The following EPB41L2 variants were observed in gnomAD, a reference collection of about 807,000 sequenced individuals.
EPB41L2 encodes band 4.1-like protein 2.
A neutral mutation model predicts 113.0 loss-of-function variants in EPB41L2; 43 were observed. The ratio of observed to expected loss-of-function variants is 0.38; its 90% confidence interval spans 0.30 to 0.49. The LOEUF is 0.49. Ranked by LOEUF, EPB41L2 falls within the 20% of genes least tolerant of loss-of-function variation. The pLI, the probability that EPB41L2 is intolerant of heterozygous loss-of-function variation, is 0.95. For missense variants in EPB41L2, 1,147 were observed against 1,223.4 expected (o/e 0.94, Z 0.93); for synonymous variants, 442 against 436.7 (o/e 1.01, Z -0.15).
At position 130,926,705 on chromosome 6, in the gene EPB41L2, T is replaced by A. The variant is rs779614385; in HGVS notation, c.710A>T (p.His237Leu). Reference protein sequence around the residue: ...GTEYSCDLEKHAKGQVLFDKV... With the variant: ...GTEYSCDLEKLAKGQVLFDKV... ...GTCAAATAACACTTGTCCCTTGGCA[T>A]GTTTCTGGAGAAAAAATAATAACTT... The change falls in exon 4 of 20, where the codon CAT becomes CTT. Residue 237 changes from histidine (H) to leucine (L), a missense_variant. Physicochemically the swap from His to Leu is moderately conservative, Grantham distance 99 (BLOSUM62 -3). Coordinates refer to ENST00000337057, the MANE Select transcript of EPB41L2 (RefSeq NM_001431.4). The A allele has an allele frequency of 1.3e-4, 209 of 1,592,504 alleles. No homozygotes were observed. Among genetic ancestry groups the A allele is most frequent in the Non-Finnish European group, 1.7e-4 (198 of 1,173,172 alleles).
chr6:130,997,170 G>C (rs1365508382), intron 1 of EPB41L2, among the ~76,000 whole-genome samples: 2 of 152,162 alleles, frequency 1.3e-5, no homozygotes, highest in Non-Finnish European at 2.9e-5. Flanking sequence ...ATTTGAACTG[G>C]ATTTAAAAGA....
chr6:130,991,728 G>A (rs1367481038), intron 1 of EPB41L2, among the ~76,000 whole-genome samples: 5 of 152,094 alleles, frequency 3.3e-5, no homozygotes, highest in African/African-American at 1.2e-4. Flanking sequence ...GAGGTGTTCC[G>A]CTAATTTTAG....
chr6:130,903,810 C>A (rs968787344), intron 6 of EPB41L2, among the ~76,000 whole-genome samples: 19 of 152,194 alleles, frequency 1.2e-4, no homozygotes, highest in African/African-American at 4.3e-4. Flanking sequence ...CCCAGTCTAA[C>A]TGGGCTAAGA....
At chr6:131,021,811 G>A (rs1562749277) in intron 1 of EPB41L2, among the ~76,000 whole-genome samples, 1 of 152,034 alleles carries the variant, frequency 6.6e-6, no homozygotes, top group Non-Finnish European at 1.5e-5. Context: ...TGAAACTAAG[G>A]CACCTAGTTG....
intron 1 of EPB41L2, among the ~76,000 whole-genome samples, chr6:130,989,266 C>T (rs1781283121): frequency 6.6e-6 from 1 of 152,202 alleles, no homozygotes. Context: ...TGAACAACCT[C>T]TATTCTCCCC....
chr6:130,865,091 AG>A (rs762321013), intron 17 of EPB41L2, among the ~76,000 whole-genome samples: 1 of 152,222 alleles, frequency 6.6e-6, no homozygotes, highest in Non-Finnish European at 1.5e-5. Context: ...TTATGCAGGG[AG>A]GAACAGGGGA....
intron 2 of EPB41L2, 63 bp downstream of exon 2, chr6:130,955,931 C>A (rs1817295613): frequency 8.4e-6 from 13 of 1,540,924 alleles, no homozygotes; most frequent in Non-Finnish European, 1.1e-5. Context: ...AACAAACAAA[C>A]CCTTTTTATT....
chr6:131,055,715 A>G (rs543977028), intron 1 of EPB41L2, among the ~76,000 whole-genome samples: 2 of 152,322 alleles, frequency 1.3e-5, no homozygotes, highest in African/African-American at 2.4e-5. Context: ...TTTAAGCCTC[A>G]GTTTCTCATC....
At chr6:130,951,253 CA>C (rs1170457891) in intron 3 of EPB41L2, among the ~76,000 whole-genome samples, 6 of 10,496 alleles carry the variant, frequency 5.7e-4, no homozygotes, top group East Asian at 1.6e-3. Context: ...CAACTGTCTC[CA>C]AAAAAAAAGG....
Position 130,986,700 on chromosome 6 carries a change from C to T in EPB41L2, c.-14-30201G>A, listed in dbSNP as rs138568098. 6.5e-3 allele frequency among the ~76,000 whole-genome samples: 988 copies of T among 152,166 alleles called. 19 individuals carry two copies. The highest frequency in any genetic ancestry group is 0.023 in the African/African-American group (953 of 41,526). ...TCCCAGGTTCAAGCGATTCTCCTGCCTCAGCCTCCCGAGTAGCTGAGATTA... is the reference window on the plus strand; with the variant it reads ...TCCCAGGTTCAAGCGATTCTCCTGCTTCAGCCTCCCGAGTAGCTGAGATTA... On this transcript the variant is annotated intron_variant, in intron 1 of 19. Transcript: ENST00000337057.
chr6:130,955,228 G>A lies in EPB41L2; in HGVS notation c.582C>T (p.Thr194=). The A allele has an allele frequency of 6.2e-7, 1 of 1,613,880 alleles. No individual in the cohort carries two copies. Among genetic ancestry groups the A allele is most frequent in the Admixed American group, 1.7e-5 (1 of 60,002 alleles). ...KLEGGAAKRE[T]KEVQTNELKA... ...TCAGCTCATTGGTCTGCACTTCCTT[G>A]GTCTCCCTTTTTGCTGCTCCTCCTT... The change falls in exon 3 of 20, where the codon ACC becomes ACT. Residue 194 remains threonine (T), a synonymous_variant. Coordinates refer to ENST00000337057, the MANE Select transcript of EPB41L2 (RefSeq NM_001431.4).
At chr6:130,895,718 T>G (rs1021439226) in intron 8 of EPB41L2, among the ~76,000 whole-genome samples, 6 of 152,238 alleles carry the variant, frequency 3.9e-5, no homozygotes, top group African/African-American at 1.4e-4. Flanking sequence ...CATCCAGTTC[T>G]CATTAGGCAT....
chr6:130,925,302 C>G (rs941894454), intron 4 of EPB41L2, among the ~76,000 whole-genome samples: 2 of 151,024 alleles, frequency 1.3e-5, no homozygotes, highest in Non-Finnish European at 2.9e-5. Context: ...GATTCTCCTG[C>G]CTCAGCCTCC....
intron 1 of EPB41L2, among the ~76,000 whole-genome samples, chr6:131,038,766 C>A (rs1275680948): frequency 1.3e-5 from 2 of 152,134 alleles, no homozygotes; most frequent in African/African-American, 4.8e-5. Flanking sequence ...ATTTGTACTG[C>A]TGCCCAACAT....
chr6:130,848,207 A>T lies in EPB41L2; in HGVS notation c.*6-7609T>A, dbSNP rs62422330. Among the ~76,000 whole-genome samples, 777 of 82,950 alleles carry T rather than the reference A, an allele frequency of 9.4e-3. 6 individuals are homozygous for T. Among genetic ancestry groups the T allele is most frequent in the African/African-American group, 0.038 (705 of 18,326 alleles). The allele number at this position is 82,950 out of a possible 152,430, so 54.4% of individuals were successfully genotyped here. ...GTCTCTCTCTCTCTCTCTCACACAC[A>T]CACACACACACACACACACACACAC... On this transcript the variant is annotated intron_variant, in intron 19 of 19. Transcript: ENST00000337057.
At chr6:130,990,772 G>A (rs1320726927) in intron 1 of EPB41L2, among the ~76,000 whole-genome samples, 1 of 151,916 alleles carries the variant, frequency 6.6e-6, no homozygotes, top group Admixed American at 6.6e-5. Context: ...ACTATGCCGA[G>A]GACATATAAT....
chr6:130,889,459 A>G (rs1360778618), intron 11 of EPB41L2, among the ~76,000 whole-genome samples: 1 of 152,124 alleles, frequency 6.6e-6, no homozygotes, highest in Non-Finnish European at 1.5e-5. Context: ...ATAGAAAAAA[A>G]TTCACATTTA....
intron 8 of EPB41L2, among the ~76,000 whole-genome samples, chr6:130,895,335 A>T (rs1794312766): frequency 6.6e-6 from 1 of 152,230 alleles, no homozygotes; most frequent in South Asian, 2.1e-4. Context: ...TTTGCCGAAG[A>T]GTTACGGCAA....
At chr6:130,982,268 T>C (rs966576376) in intron 1 of EPB41L2, among the ~76,000 whole-genome samples, 1 of 152,178 alleles carries the variant, frequency 6.6e-6, no homozygotes, top group Non-Finnish European at 1.5e-5. Flanking sequence ...GCAGCCAAGA[T>C]GAAAACCAAT....
Sources: allele counts gnomAD v4.1 joint callset (sites outside exome capture counted in the v4.1 genomes callset), GRCh38; gene constraint gnomAD v4.1.1; transcripts MANE v1.5; gene names NCBI Gene and HGNC (gene_info 2026-07-23, HGNC 2026-07-21).